EIF5B: variants seen among roughly 807,000 people sequenced by gnomAD.
EIF5B encodes the protein eukaryotic translation initiation factor 5B.
A neutral mutation model predicts 147.5 loss-of-function variants in EIF5B; 47 were observed. The observed-to-expected ratio is 0.32, with a 90% CI of 0.25 to 0.41. EIF5B has a LOEUF of 0.41. Ranked by LOEUF, EIF5B falls within the 10% of genes least tolerant of loss-of-function variation. The pLI, the probability that EIF5B is intolerant of heterozygous loss-of-function variation, is 1.00. For missense variants in EIF5B, 1,064 were observed against 1,413.2 expected (o/e 0.75, Z 3.96); for synonymous variants, 455 against 456.2 (o/e 1.00, Z 0.03).
rs1195728629 is a variant in EIF5B at position 99,361,573 on chromosome 2, A to G, written c.672A>G (p.Lys224=). The change falls in exon 4 of 24, where the codon AAA becomes AAG. Residue 224 remains lysine, a synonymous_variant. Coordinates refer to ENST00000289371, the MANE Select transcript of EIF5B (RefSeq NM_015904.4). ...SGNEDDDASF[K]IKTVAQKKAE... is the part of the protein sequence containing the mutation. ...ATGAAGATGATGACGCCTCCTTCAA[A>G]ATTAAGACAGTGGCCCAAAAGAAGG... The G allele has an allele frequency of 6.2e-7, 1 of 1,611,206 alleles. No individual in the cohort carries two copies. Among genetic ancestry groups the G allele is most frequent in the East Asian group, 2.2e-5 (1 of 44,862 alleles).
chr2:99,340,994 A>G (rs192777288), intron 1 of EIF5B, among the ~76,000 whole-genome samples: 244 of 152,108 alleles, frequency 1.6e-3, no homozygotes, highest in African/African-American at 5.7e-3. Context: ...AAACTCCTGA[A>G]CTCAAGTGAT....
rs766707922 is a variant in EIF5B at position 99,376,580 on chromosome 2, G to C, written c.1786G>C (p.Asp596His). 6 of 1,613,876 alleles carry C rather than the reference G, an allele frequency of 3.7e-6. No homozygotes were observed. The highest frequency in any genetic ancestry group is 3.4e-6 in the Non-Finnish European group (4 of 1,179,940). The change falls in exon 10 of 24, where the codon GAT (aspartate) becomes CAT (histidine). Residue 596 changes from aspartate to histidine, a missense_variant. Around this residue, in one of 4 missense-constraint regions of EIF5B, gnomAD observed 195 missense variants for 186.3 expected, o/e 1.05. Coordinates refer to ENST00000289371, the MANE Select transcript of EIF5B (RefSeq NM_015904.4). ...EMSSDSEYDS[D>H]DDRTKEERAY... ...GAGCTCAGATTCTGAATATGACTCT[G>C]ATGATGATCGGACTAAAGAAGAAAG...
intron 1 of EIF5B, among the ~76,000 whole-genome samples, chr2:99,343,745 C>T (rs1311795014): frequency 6.6e-6 from 1 of 150,950 alleles, no homozygotes; most frequent in Non-Finnish European, 1.5e-5. Flanking sequence ...ACCTGGAAGG[C>T]GGAGGTTGCA....
intron 1 of EIF5B, among the ~76,000 whole-genome samples, chr2:99,338,965 A>AATACATATATACAAATATATACAC (rs2094251710): frequency 7.3e-6 from 1 of 137,584 alleles, no homozygotes; most frequent in Admixed American, 7.6e-5. Flanking sequence ...CATATATATA[A>AATACATATATACAAATATATACAC]ATATATATAT....
chr2:99,344,085 GTTT>G (rs1169127592), intron 1 of EIF5B, among the ~76,000 whole-genome samples: 2 of 151,628 alleles, frequency 1.3e-5, no homozygotes, highest in African/African-American at 4.8e-5. Flanking sequence ...CGCCTGGCTA[GTTT>G]TTTTGTATTT....
chr2:99,381,516 GGGGTGTGTGT>G (rs1432779821), intron 12 of EIF5B, among the ~76,000 whole-genome samples: 24 of 134,790 alleles, frequency 1.8e-4, no homozygotes, highest in African/African-American at 5.8e-4. Context: ...ATACAAAAAG[GGGGTGTGTGT>G]GTGTGTGTGT....
intron 1 of EIF5B, among the ~76,000 whole-genome samples, chr2:99,339,455 TAC>T (rs941807914): frequency 6.6e-6 from 1 of 152,174 alleles, no homozygotes. Context: ...ATTGTCTTAT[TAC>T]AGTTTTTTTT....
intron 7 of EIF5B, among the ~76,000 whole-genome samples, chr2:99,369,143 G>C (rs1255663642): frequency 6.6e-6 from 1 of 152,104 alleles, no homozygotes; most frequent in African/African-American, 2.4e-5. Context: ...CATAGTGGCA[G>C]GTGCCTGTAA....
chr2:99,396,698 G>T, intron 21 of EIF5B, 62 bp from the exon 22 acceptor site: 1 of 1,529,448 alleles, frequency 6.5e-7, no homozygotes. Flanking sequence ...TTCAGCTGCA[G>T]TTTTTCTTTT....
At chr2:99,340,348 C>G (rs1038579504) in intron 1 of EIF5B, among the ~76,000 whole-genome samples, 1 of 152,182 alleles carries the variant, frequency 6.6e-6, no homozygotes, top group African/African-American at 2.4e-5. Flanking sequence ...GATTAGTATT[C>G]TTGTTTGTGT....
intron 6 of EIF5B, among the ~76,000 whole-genome samples, chr2:99,365,107 C>T (rs1674300484): frequency 6.6e-6 from 1 of 152,160 alleles, no homozygotes; most frequent in African/African-American, 2.4e-5. Flanking sequence ...TGGGACCTCT[C>T]TTAAATTTCC....
At chr2:99,387,300 A>G (rs1470924287) in intron 14 of EIF5B, among the ~76,000 whole-genome samples, 3 of 152,156 alleles carry the variant, frequency 2.0e-5, no homozygotes, top group Non-Finnish European at 4.4e-5. Flanking sequence ...CAGATGTTTA[A>G]TAGTTGGAGC....
At chr2:99,364,170 A>G in intron 5 of EIF5B, 101 bp from the exon 6 acceptor site, 1 of 1,432,192 alleles carries the variant, frequency 7.0e-7, no homozygotes, top group African/African-American at 1.4e-5. Flanking sequence ...AATACTTTGC[A>G]TGTGTCTCAA....
At chr2:99,385,321 A>T (rs1674779409) in intron 14 of EIF5B, among the ~76,000 whole-genome samples, 1 of 152,248 alleles carries the variant, frequency 6.6e-6, no homozygotes, top group African/African-American at 2.4e-5. Context: ...CTGGGATTAC[A>T]GGCGTGAGCC....
At chr2:99,337,962 C>T (rs1028944965) in intron 1 of EIF5B, among the ~76,000 whole-genome samples, 2 of 152,186 alleles carry the variant, frequency 1.3e-5, no homozygotes, top group East Asian at 1.9e-4. Context: ...CTTTTTATGC[C>T]TCTTATACCT....
At chr2:99,345,979 A>G (rs993070817) in intron 1 of EIF5B, among the ~76,000 whole-genome samples, 1 of 152,078 alleles carries the variant, frequency 6.6e-6, no homozygotes, top group African/African-American at 2.4e-5. Flanking sequence ...TTGGGAATAC[A>G]AAAGGGAGTT....
chr2:99,383,758 T>G (rs1264947128), intron 14 of EIF5B, among the ~76,000 whole-genome samples: 1 of 149,132 alleles, frequency 6.7e-6, no homozygotes, highest in Admixed American at 6.6e-5. Flanking sequence ...ACAACAGATT[T>G]TCAGTGTAGA....
intron 10 of EIF5B, among the ~76,000 whole-genome samples, chr2:99,378,248 T>C (rs1029536989): frequency 2.0e-5 from 3 of 152,354 alleles, no homozygotes; most frequent in African/African-American, 7.2e-5. Context: ...GTTTTGTAAA[T>C]GACATTACTT....
At position 99,369,565 on chromosome 2, in the gene EIF5B, A is replaced by G. The variant is rs761699459; in HGVS notation, c.1477+84A>G. The G allele has an allele frequency of 1.9e-4, 214 of 1,119,362 alleles. 2 individuals carry two copies. The highest frequency in any genetic ancestry group is 1.3e-3 in the Middle Eastern group (6 of 4,622). The allele number at this position is 1,119,362 out of a possible 1,614,324, so 69.3% of individuals were successfully genotyped here. A position where few individuals can be genotyped will look rare whatever the true frequency, so the allele number is the denominator to read the frequency against. ...TCATAAGTTGTCTTAGTTATTATAAATAATTGGGGAGAACCAAATAAGTAT... is the reference window on the plus strand; with the variant it reads ...TCATAAGTTGTCTTAGTTATTATAAGTAATTGGGGAGAACCAAATAAGTAT... On this transcript the variant is annotated intron_variant, in intron 8 of 23. Coordinates refer to ENST00000289371, the MANE Select transcript of EIF5B (RefSeq NM_015904.4).
Sources: allele counts gnomAD v4.1 joint callset (sites outside exome capture counted in the v4.1 genomes callset), GRCh38; gene constraint gnomAD v4.1.1; regional missense constraint gnomAD v4.1.1; transcripts MANE v1.5; gene names NCBI Gene and HGNC (gene_info 2026-07-23, HGNC 2026-07-21).